The following CADM2 variants were observed in gnomAD, a reference collection of about 807,000 sequenced individuals.
CADM2 encodes the protein immunoglobulin superfamily member 4D.
In CADM2, 12 loss-of-function variants were observed where a neutral mutation model predicts 49.8. The ratio of observed to expected loss-of-function variants is 0.24; its 90% confidence interval spans 0.15 to 0.39. The LOEUF (loss-of-function observed/expected upper bound fraction) is 0.39. Among genes scored for constraint, CADM2 ranks in the 10% least tolerant of loss-of-function variants. The pLI, the probability that CADM2 is intolerant of heterozygous loss-of-function variation, is 1.00. For synonymous variants in CADM2, 214 were observed against 175.4 expected (o/e 1.22, Z -1.74); for missense variants, 378 against 492.3 (o/e 0.77, Z 2.20).
At chr3:85,764,571 C>T (rs114767824) in intron 2 of CADM2, among the ~76,000 whole-genome samples, 2,642 of 152,062 alleles carry the variant, frequency 0.017, 31 homozygotes, top group Non-Finnish European at 0.025. Flanking sequence ...TATAACCAAA[C>T]CTAAAATTAG....
At chr3:85,858,343 T>C (rs2075392855) in intron 3 of CADM2, among the ~76,000 whole-genome samples, 1 of 152,238 alleles carries the variant, frequency 6.6e-6, no homozygotes, top group African/African-American at 2.4e-5. Flanking sequence ...ATTTTCTTGT[T>C]ATAAAATGCC....
At chr3:85,370,138 G>A (rs57611991) in intron 1 of CADM2, among the ~76,000 whole-genome samples, 3 of 150,772 alleles carry the variant, frequency 2.0e-5, no homozygotes, top group Middle Eastern at 3.4e-3. Context: ...GCTTGAAACC[G>A]GGAGGGAGAG....
chr3:85,455,811 C>T (rs750371573), intron 1 of CADM2, among the ~76,000 whole-genome samples: 2 of 152,012 alleles, frequency 1.3e-5, no homozygotes, highest in Non-Finnish European at 1.5e-5. Context: ...TGATTGGCTT[C>T]GGCATGGGCA....
chr3:84,962,167 G>T (rs1411144948), intron 1 of CADM2, among the ~76,000 whole-genome samples: 1 of 122,894 alleles, frequency 8.1e-6, no homozygotes, highest in Non-Finnish European at 1.8e-5. Context: ...AATAAATAAA[G>T]GTTCTATACA....
chr3:85,043,210 C>T (rs1419470086), intron 1 of CADM2, among the ~76,000 whole-genome samples: 2 of 151,996 alleles, frequency 1.3e-5, no homozygotes, highest in Non-Finnish European at 2.9e-5. Flanking sequence ...AGGGAAGGTG[C>T]ACTTAAAAGC....
At chr3:85,792,197 T>C (rs558708505) in intron 2 of CADM2, among the ~76,000 whole-genome samples, 4 of 152,368 alleles carry the variant, frequency 2.6e-5, no homozygotes, top group Non-Finnish European at 4.4e-5. Context: ...ACATGATGTA[T>C]GCTATTTGAT....
At chr3:85,594,327 T>C (rs72911210) in intron 1 of CADM2, among the ~76,000 whole-genome samples, 6,218 of 151,970 alleles carry the variant, frequency 0.041, 426 homozygotes, top group African/African-American at 0.14. Context: ...TGAAATTCCC[T>C]AGTCTTAATT....
intron 1 of CADM2, among the ~76,000 whole-genome samples, chr3:85,542,332 A>G (rs1415976642): frequency 5.9e-5 from 9 of 152,166 alleles, no homozygotes; most frequent in African/African-American, 2.2e-4. Flanking sequence ...CCTAAACATT[A>G]ATGAAATTGA....
intron 1 of CADM2, among the ~76,000 whole-genome samples, chr3:85,496,629 C>T (rs1406636998): frequency 3.9e-5 from 6 of 152,170 alleles, no homozygotes; most frequent in African/African-American, 7.2e-5. Flanking sequence ...CTGTTTTCCA[C>T]AGTGGCTGAA....
At chr3:85,681,744 T>C (rs558734697) in intron 1 of CADM2, among the ~76,000 whole-genome samples, 2 of 152,288 alleles carry the variant, frequency 1.3e-5, no homozygotes, top group Non-Finnish European at 2.9e-5. Context: ...TTTAACTTCA[T>C]AGTAGCACAG....
chr3:85,940,971 C>T (rs1721818701), intron 7 of CADM2, among the ~76,000 whole-genome samples: 1 of 152,006 alleles, frequency 6.6e-6, no homozygotes. Context: ...CATGCTATAC[C>T]AAAATGTTAC....
At chr3:85,199,472 A>T (rs890713027) in intron 1 of CADM2, among the ~76,000 whole-genome samples, 6 of 149,958 alleles carry the variant, frequency 4.0e-5, no homozygotes, top group Admixed American at 6.7e-5. Flanking sequence ...GTAATTTCAA[A>T]ATTTTTTTTT....
At chr3:85,930,661 G>A (rs1392549164) in intron 6 of CADM2, among the ~76,000 whole-genome samples, 1 of 151,884 alleles carries the variant, frequency 6.6e-6, no homozygotes, top group Admixed American at 6.6e-5. Context: ...ATTACGAGTT[G>A]AATTGATTTG....
intron 3 of CADM2, among the ~76,000 whole-genome samples, chr3:85,866,957 G>A (rs2075745972): frequency 6.6e-6 from 1 of 151,880 alleles, no homozygotes; most frequent in Admixed American, 6.6e-5. Flanking sequence ...TTTTTTAACA[G>A]GATAAGTTCT....
At chr3:85,174,917 G>A (rs1270485503) in intron 1 of CADM2, among the ~76,000 whole-genome samples, 1 of 152,078 alleles carries the variant, frequency 6.6e-6, no homozygotes, top group Non-Finnish European at 1.5e-5. Flanking sequence ...GACAATAACA[G>A]CAACATCAAC....
At chr3:85,076,871 C>G (rs1005926952) in intron 1 of CADM2, among the ~76,000 whole-genome samples, 3 of 152,068 alleles carry the variant, frequency 2.0e-5, no homozygotes, top group Non-Finnish European at 4.4e-5. Context: ...ACTCTGGAGG[C>G]TGAGGCAGGA....
At chr3:85,806,179 G>A (rs1046266469) in intron 3 of CADM2, among the ~76,000 whole-genome samples, 1 of 151,030 alleles carries the variant, frequency 6.6e-6, no homozygotes. Flanking sequence ...AGGGAGGGAG[G>A]GAGGGAGGGA....
chr3:85,356,455 T>C (rs2031867176), intron 1 of CADM2, among the ~76,000 whole-genome samples: 1 of 152,034 alleles, frequency 6.6e-6, no homozygotes, highest in Non-Finnish European at 1.5e-5. Flanking sequence ...TCAGGGTCAG[T>C]CCATGCAGAA....
intron 1 of CADM2, among the ~76,000 whole-genome samples, chr3:85,637,495 G>T (rs1287018728): frequency 2.0e-5 from 3 of 148,692 alleles, no homozygotes; most frequent in African/African-American, 7.4e-5. Context: ...CCAGCTACTC[G>T]GGAGGCTGAG....
Sources: allele counts gnomAD v4.1 joint callset (sites outside exome capture counted in the v4.1 genomes callset), GRCh38; gene constraint gnomAD v4.1.1; transcripts MANE v1.5; gene names NCBI Gene and HGNC (gene_info 2026-07-23, HGNC 2026-07-21).